The following TYW1B variants were observed in gnomAD, a reference collection of about 807,000 sequenced individuals.
The protein encoded by TYW1B is S-adenosyl-L-methionine-dependent tRNA 4-demethylwyosine synthase TYW1B.
Under a neutral mutation model 86.9 loss-of-function variants are expected in TYW1B, and 73 were observed. The ratio of observed to expected loss-of-function variants is 0.84; its 90% CI spans 0.70 to 1.02. TYW1B has a LOEUF of 1.02. Ranked by LOEUF, TYW1B falls within the 50% of genes least tolerant of loss-of-function variation. The pLI, the probability that TYW1B is intolerant of heterozygous loss-of-function variation, is 0.00. For missense variants in TYW1B, 637 were observed against 827.4 expected, an observed-to-expected ratio of 0.77 and a Z score of 2.82; for synonymous variants, 248 against 292.8, an observed-to-expected ratio of 0.85 and a Z score of 1.56.
At position 72,810,364 on chromosome 7, in the gene TYW1B, ATG is replaced by A. The variant is rs201044078; in HGVS notation, c.432+105_432+106del. On this transcript the variant is annotated intron_variant, in intron 4 of 13. Transcript: ENST00000620995. Reference sequence around the variant, plus strand: ...GATTATTTCACATACATGTGTGTTTATGTGTGTGTACGTGTGTGCACGTGTGT... The same window carrying A: ...GATTATTTCACATACATGTGTGTTTATGTGTGTACGTGTGTGCACGTGTGT... 3,512 of 1,155,572 alleles carry A rather than the reference ATG, an allele frequency of 3.0e-3. 88 individuals carry two copies. In the African/African-American group the frequency reaches 0.049, roughly 16 times the overall value. 71.6% of individuals were successfully genotyped at this position (1,155,572 alleles called of 1,614,324 possible). A position where few individuals can be genotyped will look rare whatever the true frequency, so the allele number is the denominator to read the frequency against.
At chr7:72,578,232 G>C (rs1371797315) in intron 13 of TYW1B, among the ~76,000 whole-genome samples, 2 of 151,328 alleles carry the variant, frequency 1.3e-5, no homozygotes, top group Non-Finnish European at 2.9e-5. Context: ...TCCTGCCTCA[G>C]CCTCCCGAGT....
intron 13 of TYW1B, among the ~76,000 whole-genome samples, chr7:72,597,577 C>T (rs1225111684): frequency 6.6e-6 from 1 of 151,772 alleles, no homozygotes; most frequent in Non-Finnish European, 1.5e-5. Flanking sequence ...CGGTACCACC[C>T]TGAACGCACC....
In TYW1B at chr7:72,716,303, T is replaced by C. The variant is rs144180388; in HGVS notation, c.1193-2505A>G. On this transcript the variant is annotated intron_variant, in intron 9 of 13. Coordinates refer to ENST00000620995, the MANE Select transcript of TYW1B (RefSeq NM_001145440.3). ...TGGTAAGTACCTTGAAGAATTTTTG[T>C]TGGGATTAAATGAGATAATGCATGT... 6.7e-3 allele frequency among the ~76,000 whole-genome samples: 1,022 copies of C among 152,324 alleles called. 10 individuals are homozygous for C. Among genetic ancestry groups the C allele is most frequent in the African/African-American group, 0.021 (880 of 41,568 alleles).
chr7:72,710,849 C>T (rs1430598584), intron 10 of TYW1B, among the ~76,000 whole-genome samples: 2 of 152,048 alleles, frequency 1.3e-5, no homozygotes, highest in Admixed American at 6.6e-5. Context: ...TCTGTGTGTG[C>T]GAATGTATGT....
Position 72,692,472 on chromosome 7 carries a change from C to T in TYW1B, c.1506+2215G>A, listed in dbSNP as rs1339848856. ...GAGGCTCCAGTGAGCTATGATGGTG[C>T]CACTGTGTTCTAGCTTTGGTGACAG... On this transcript the variant is annotated intron_variant, in intron 11 of 13. Coordinates refer to ENST00000620995, the MANE Select transcript of TYW1B (RefSeq NM_001145440.3). Among the ~76,000 whole-genome samples, 64 of 151,952 alleles carry T rather than the reference C, an allele frequency of 4.2e-4. 1 individual carries two copies. The highest frequency in any genetic ancestry group is 1.4e-3 in the African/African-American group (59 of 41,356).
intron 11 of TYW1B, among the ~76,000 whole-genome samples, chr7:72,639,108 G>A (rs556672481): frequency 1.6e-4 from 24 of 152,066 alleles, no homozygotes; most frequent in African/African-American, 5.5e-4. Context: ...ATATTACTCT[G>A]AGAAAAAAAG....
At chr7:72,587,524 C>G (rs1811302197) in intron 13 of TYW1B, among the ~76,000 whole-genome samples, 1 of 152,114 alleles carries the variant, frequency 6.6e-6, no homozygotes, top group Non-Finnish European at 1.5e-5. Context: ...TCCTCTTGAG[C>G]TGAGTCAGTT....
Position 72,728,844 on chromosome 7 carries a change from C to G in TYW1B, c.1170G>C (p.Gln390His). Residue 390 changes from glutamine to histidine, a missense_variant, in exon 9 of 14, where the codon CAG (glutamine) becomes CAC (histidine). Transcript: ENST00000620995. ...TACCTTTAAACTGCTTAATCATGTT[C>G]TGATGGTTTTCAATGGCTTCCTTCA... is the stretch of plus-strand genomic sequence containing the variant. ...MILKEAIENH[Q>H]NMIKQFKGVP... 1 of 1,613,684 alleles carries G rather than the reference C, an allele frequency of 6.2e-7. No homozygotes were observed. Among genetic ancestry groups the G allele is most frequent in the Non-Finnish European group, 8.5e-7 (1 of 1,179,800 alleles).
chr7:72,660,211 T>C (rs1341923781), intron 11 of TYW1B, among the ~76,000 whole-genome samples: 5 of 152,028 alleles, frequency 3.3e-5, no homozygotes, highest in Non-Finnish European at 7.4e-5. Context: ...TCTACTAAAA[T>C]TAAATTTTAA....
chr7:72,798,169 C>T (rs186729476), intron 6 of TYW1B, among the ~76,000 whole-genome samples: 115 of 152,062 alleles, frequency 7.6e-4, no homozygotes, highest in African/African-American at 2.4e-3. Context: ...TTTGGGAGGC[C>T]GAGGCGGGCA....
chr7:72,676,496 CT>C (rs1563055707), intron 11 of TYW1B, among the ~76,000 whole-genome samples: 1 of 152,194 alleles, frequency 6.6e-6, no homozygotes, highest in Non-Finnish European at 1.5e-5. Context: ...GGTACAGTGA[CT>C]GGCTTCCCAG....
At chr7:72,757,227 G>A (rs2129571619) in intron 7 of TYW1B, among the ~76,000 whole-genome samples, 1 of 152,080 alleles carries the variant, frequency 6.6e-6, no homozygotes, top group East Asian at 1.9e-4. Context: ...AATTAGCCAG[G>A]CGTGGTAGCG....
chr7:72,619,188 G>C (rs1191728485), intron 12 of TYW1B, among the ~76,000 whole-genome samples: 18 of 152,120 alleles, frequency 1.2e-4, no homozygotes, highest in African/African-American at 4.1e-4. Context: ...TGGACTTAGT[G>C]TCTCTTTATT....
chr7:72,596,084 G>A (rs768923681), intron 13 of TYW1B, among the ~76,000 whole-genome samples: 3 of 149,092 alleles, frequency 2.0e-5, no homozygotes, highest in East Asian at 2.0e-4. Context: ...GCTGAGGAAG[G>A]AGAATCACTT....
rs1554458848 is a variant in TYW1B, at chr7:72,727,031, T to A, written c.1192+1791A>T. Among the ~76,000 whole-genome samples the A allele has an allele frequency of 2.6e-5, 4 of 152,076 alleles. No individual in the cohort carries two copies. The East Asian group carries it at 5.8e-4, about 22-fold the overall frequency. ...CACCATGGGGGAAATGGCCCCCACG[T>A]TTCAATTACCTCCACCGGTCTCTCT... On this transcript the variant is annotated intron_variant, in intron 9 of 13. Coordinates refer to ENST00000620995, the MANE Select transcript of TYW1B (RefSeq NM_001145440.3).
intron 12 of TYW1B, 74 bp from the exon 13 acceptor site, chr7:72,616,913 A>G: frequency 6.3e-7 from 1 of 1,586,640 alleles, no homozygotes; most frequent in Middle Eastern, 1.7e-4. Context: ...CAGAGCCGGA[A>G]AGCCTTCTTG....
chr7:72,740,261 G>A (rs111284447), intron 8 of TYW1B, among the ~76,000 whole-genome samples: 2 of 151,768 alleles, frequency 1.3e-5, no homozygotes, highest in African/African-American at 4.8e-5. Context: ...TTAGCCAGGT[G>A]TAGTAGCACA....
At chr7:72,651,063 A>C (rs1210514871) in intron 11 of TYW1B, among the ~76,000 whole-genome samples, 2 of 152,234 alleles carry the variant, frequency 1.3e-5, no homozygotes, top group Admixed American at 6.5e-5. Context: ...AGAACATAGC[A>C]TGTCTTTTAT....
chr7:72,613,619 GT>G (rs1320769289), intron 13 of TYW1B, among the ~76,000 whole-genome samples: 5 of 151,746 alleles, frequency 3.3e-5, no homozygotes, highest in African/African-American at 1.2e-4. Flanking sequence ...TGTTGGCCAG[GT>G]TGGTCTCGAA....
Sources: gnomAD v4.1 joint callset for allele counts (sites outside exome capture counted in the v4.1 genomes callset) on GRCh38, gnomAD v4.1.1 for gene constraint, MANE v1.5 for transcripts, NCBI Gene and HGNC (gene_info 2026-07-23, HGNC 2026-07-21) for gene names.